NCEH1: variants seen among roughly 807,000 people sequenced by gnomAD.
NCEH1 encodes 2-acetyl MAGE hydrolase.
A neutral mutation model predicts 25.4 loss-of-function variants in NCEH1; 9 were observed. The observed-to-expected ratio is 0.35, with a 90% CI of 0.21 to 0.62. The LOEUF (loss-of-function observed/expected upper bound fraction) is 0.62. NCEH1 is among the 20% of genes least tolerant of loss of function. NCEH1 has a pLI of 0.72. For synonymous variants in NCEH1, 200 were observed against 199.8 expected (o/e 1.00, Z -0.01); for missense variants, 412 against 501.1 (o/e 0.82, Z 1.70).
rs1716299336 is a variant in NCEH1 at position 172,630,536 on chromosome 3, C to T, written c.*2939G>A. The T allele has an allele frequency of 6.6e-6, 1 of 152,228 alleles. No individual in the cohort carries two copies. The highest frequency in any genetic ancestry group is 2.4e-5 in the African/African-American group (1 of 41,444). 9.4% of individuals were successfully genotyped at this position (152,228 alleles called of 1,614,324 possible). On this transcript the variant is annotated 3_prime_UTR_variant, in exon 5 of 5. Transcript: ENST00000475381. ...CTCTAAAGGAAAGACAGCTGGAGTACTCCACTGGGCAGAAGATTGGGAAAG... is the reference window on the plus strand; with the variant it reads ...CTCTAAAGGAAAGACAGCTGGAGTATTCCACTGGGCAGAAGATTGGGAAAG...
chr3:172,683,402 C>CA (rs1165644401), intron 1 of NCEH1, among the ~76,000 whole-genome samples: 727 of 15,678 alleles, frequency 0.046, 131 homozygotes, highest in African/African-American at 0.077. Context: ...GACTCCGTCT[C>CA]AAAAAAAAAA....
rs1717199126 is a variant in NCEH1 at position 172,647,979 on chromosome 3, C to T, written c.274G>A (p.Val92Ile). The change falls in exon 2 of 5, where the codon GTC (valine) becomes ATC (isoleucine). Residue 92 changes from valine to isoleucine, a missense_variant. Around this residue, in one of 3 missense-constraint regions of NCEH1, gnomAD observed 178 missense variants for 189.2 expected, o/e 0.94. Transcript: ENST00000475381. ...TTCGGAGGGCCTTCAAACACTCTGACTTCCACACCATCAAAGTCTGTGTCG... is the reference window on the plus strand; with the variant it reads ...TTCGGAGGGCCTTCAAACACTCTGATTTCCACACCATCAAAGTCTGTGTCG... Reference protein sequence around the residue: ...VTDTDFDGVEVRVFEGPPKPE... With the variant: ...VTDTDFDGVEIRVFEGPPKPE... 1.2e-6 allele frequency: 2 copies of T among 1,614,118 alleles called. No individual in the cohort carries two copies. Among genetic ancestry groups the T allele is most frequent in the African/African-American group, 2.7e-5 (2 of 74,940 alleles).
At chr3:172,704,549 C>G (rs984232083) in intron 1 of NCEH1, among the ~76,000 whole-genome samples, 2 of 152,204 alleles carry the variant, frequency 1.3e-5, no homozygotes, top group African/African-American at 4.8e-5. Flanking sequence ...CTGCCTTACA[C>G]ATTTCTGTTT....
chr3:172,675,931 ATC>A (rs1711970067), intron 1 of NCEH1, among the ~76,000 whole-genome samples: 1 of 152,272 alleles, frequency 6.6e-6, no homozygotes, highest in Admixed American at 6.5e-5. Flanking sequence ...TGTAAAACGT[ATC>A]TCTTTTCGCC....
intron 1 of NCEH1, among the ~76,000 whole-genome samples, chr3:172,673,891 TGCCA>T (rs1711792245): frequency 6.6e-6 from 1 of 152,212 alleles, no homozygotes; most frequent in Non-Finnish European, 1.5e-5. Context: ...AAACTCTATT[TGCCA>T]GCCTGCAGCC....
intron 1 of NCEH1, among the ~76,000 whole-genome samples, chr3:172,669,637 A>G (rs1711510552): frequency 6.6e-6 from 1 of 152,200 alleles, no homozygotes; most frequent in Non-Finnish European, 1.5e-5. Flanking sequence ...CCTGGGTTCA[A>G]GTGATTCTCC....
chr3:172,660,997 T>A (rs1717947121), intron 1 of NCEH1, among the ~76,000 whole-genome samples: 1 of 152,356 alleles, frequency 6.6e-6, no homozygotes, highest in Admixed American at 6.5e-5. Flanking sequence ...TTTGTCTATT[T>A]TGGCTTTTGC....
At chr3:172,694,136 T>C (rs1368168449) in intron 1 of NCEH1, among the ~76,000 whole-genome samples, 1 of 152,090 alleles carries the variant, frequency 6.6e-6, no homozygotes, top group Non-Finnish European at 1.5e-5. Flanking sequence ...TCAAGCAAAC[T>C]TCCTGCCTCA....
intron 1 of NCEH1, among the ~76,000 whole-genome samples, chr3:172,674,789 T>C (rs1396962601): frequency 1.3e-5 from 2 of 152,262 alleles, no homozygotes; most frequent in African/African-American, 4.8e-5. Context: ...TGTAAAATTC[T>C]AATTGCCATA....
intron 1 of NCEH1, among the ~76,000 whole-genome samples, chr3:172,710,122 T>A (rs1714216553): frequency 6.6e-6 from 1 of 152,160 alleles, no homozygotes; most frequent in South Asian, 2.1e-4. Flanking sequence ...GTAACCTCGC[T>A]CAGGAAAAGG....
chr3:172,671,871 T>C (rs1560195197), intron 1 of NCEH1, among the ~76,000 whole-genome samples: 1 of 152,232 alleles, frequency 6.6e-6, no homozygotes, highest in Non-Finnish European at 1.5e-5. Flanking sequence ...TGGAAAACTC[T>C]TATAACCTAG....
intron 4 of NCEH1, among the ~76,000 whole-genome samples, chr3:172,635,137 T>C (rs2108487403): frequency 6.6e-6 from 1 of 152,306 alleles, no homozygotes; most frequent in East Asian, 1.9e-4. Context: ...AAGAATGTTC[T>C]CTCCACTGAG....
At chr3:172,671,506 TACACACAC>T (rs537504265) in intron 1 of NCEH1, among the ~76,000 whole-genome samples, 1 of 143,166 alleles carries the variant, frequency 7.0e-6, no homozygotes, top group Non-Finnish European at 1.5e-5. Context: ...CACATACACA[TACACACAC>T]ACACACACAC....
intron 1 of NCEH1, among the ~76,000 whole-genome samples, chr3:172,699,014 T>G (rs1713535405): frequency 6.6e-6 from 1 of 152,082 alleles, no homozygotes; most frequent in Non-Finnish European, 1.5e-5. Context: ...GGAGAGAAAA[T>G]TTATGATTTG....
chr3:172,638,913 T>C (rs1716723634), intron 3 of NCEH1, among the ~76,000 whole-genome samples: 1 of 152,206 alleles, frequency 6.6e-6, no homozygotes, highest in Non-Finnish European at 1.5e-5. Context: ...AGAGTGTTCC[T>C]GGTGCCATAA....
chr3:172,671,156 G>A (rs1711597622), intron 1 of NCEH1, among the ~76,000 whole-genome samples: 1 of 152,164 alleles, frequency 6.6e-6, no homozygotes, highest in Admixed American at 6.5e-5. Context: ...TTTCACACTT[G>A]TGGTAGCTGG....
At chr3:172,710,149 G>A (rs1310600100) in intron 1 of NCEH1, among the ~76,000 whole-genome samples, 2 of 152,174 alleles carry the variant, frequency 1.3e-5, no homozygotes, top group Non-Finnish European at 2.9e-5. Context: ...GACAGCCAAG[G>A]ACATAAAATA....
Position 172,650,074 on chromosome 3 carries a change from A to G in NCEH1, c.139-1960T>C, listed in dbSNP as rs570618752. Among the ~76,000 whole-genome samples the G allele has an allele frequency of 4.6e-5, 7 of 152,356 alleles. No homozygotes were observed. The South Asian group carries it at 1.2e-3, about 27-fold the overall frequency. On this transcript the variant is annotated intron_variant, in intron 1 of 4. Transcript: ENST00000475381. Reference sequence around the variant, plus strand: ...TCTGAGTACATGCGGGTTTGACTCAATTTGTTCACACCTTTCCAGAAACAT... The same window carrying G: ...TCTGAGTACATGCGGGTTTGACTCAGTTTGTTCACACCTTTCCAGAAACAT...
chr3:172,707,719 G>C (rs973467451), intron 1 of NCEH1, among the ~76,000 whole-genome samples: 1 of 152,114 alleles, frequency 6.6e-6, no homozygotes, highest in Non-Finnish European at 1.5e-5. Flanking sequence ...CCGAGTAGCC[G>C]GGACTACAGG....
Sources: gnomAD v4.1 joint callset for allele counts (sites outside exome capture counted in the v4.1 genomes callset) on GRCh38, gnomAD v4.1.1 for gene constraint, gnomAD v4.1.1 regional missense constraint, MANE v1.5 for transcripts, NCBI Gene and HGNC (gene_info 2026-07-23, HGNC 2026-07-21) for gene names.